LRP2: variants seen among roughly 807,000 people sequenced by gnomAD.
LRP2 encodes LDL receptor related protein 2, also known as low-density lipoprotein receptor-related protein 2.
A neutral mutation model predicts 531.0 loss-of-function variants in LRP2; 172 were observed. That is an observed-to-expected ratio of 0.32 (90% CI 0.29 to 0.37). The LOEUF (loss-of-function observed/expected upper bound fraction) is 0.37, where lower values mean the gene tolerates loss of function less well. Among genes scored for constraint, LRP2 ranks in the 10% least tolerant of loss-of-function variants. The probability of loss-of-function intolerance (pLI) is 1.00; values close to 1 mark genes in which losing one functional copy is unlikely to be tolerated. For missense variants in LRP2, 5,167 were observed against 5,868.3 expected (o/e 0.88, Z 3.90); for synonymous variants, 1,992 against 2,027.6 (o/e 0.98, Z 0.47).
intron 1 of LRP2, among the ~76,000 whole-genome samples, chr2:169,327,643 C>T (rs1396103148): frequency 6.6e-5 from 4 of 60,930 alleles, no homozygotes; most frequent in Non-Finnish European, 3.3e-5. Flanking sequence ...CCAGCCACCC[C>T]GTCCGGGAGG....
intron 3 of LRP2, among the ~76,000 whole-genome samples, chr2:169,316,624 G>C (rs1293179906): frequency 6.6e-6 from 1 of 152,132 alleles, no homozygotes; most frequent in Non-Finnish European, 1.5e-5. Context: ...TTGAGTTCAA[G>C]GCAACTTGCA....
intron 3 of LRP2, among the ~76,000 whole-genome samples, chr2:169,317,663 C>A (rs1263723319): frequency 6.6e-6 from 1 of 152,078 alleles, no homozygotes; most frequent in Non-Finnish European, 1.5e-5. Context: ...CACAATGATA[C>A]AAGAATGATT....
chr2:169,304,258 A>G (rs1243740578), intron 4 of LRP2, among the ~76,000 whole-genome samples: 2 of 152,188 alleles, frequency 1.3e-5, no homozygotes, highest in Non-Finnish European at 2.9e-5. Flanking sequence ...CTTAACTTGT[A>G]CAAGATAGGA....
intron 10 of LRP2, 71 bp from the exon 11 acceptor site, chr2:169,280,590 T>C: frequency 6.9e-7 from 1 of 1,455,420 alleles, no homozygotes; most frequent in Non-Finnish European, 9.6e-7. Context: ...TTACAAATGA[T>C]ATGCTTTCTG....
At chr2:169,137,533 G>GAA (rs1199224920) in intron 75 of LRP2, 40 bp from the exon 76 acceptor site, 2 of 1,159,658 alleles carry the variant, frequency 1.7e-6, no homozygotes, top group South Asian at 1.2e-5. Flanking sequence ...GAGAGAGAGA[G>GAA]AAACAGAGAG....
At position 169,247,535 on chromosome 2, in the gene LRP2, G is replaced by A. The variant is rs1163140032; in HGVS notation, c.2771-20C>T. On this transcript the variant is annotated intron_variant, in intron 19 of 78. Coordinates refer to ENST00000649046, the MANE Select transcript of LRP2 (RefSeq NM_004525.3). ...AATGCTCTGAAAAGAAACATGGGTAGATTAGTATTTTCAGTCACAGCTAAC... is the reference window on the plus strand; with the variant it reads ...AATGCTCTGAAAAGAAACATGGGTAAATTAGTATTTTCAGTCACAGCTAAC... 9.9e-6 allele frequency: 16 copies of A among 1,613,654 alleles called. No individual in the cohort carries two copies. The highest frequency in any genetic ancestry group is 1.4e-5 in the Non-Finnish European group (16 of 1,179,692).
Position 169,240,990 on chromosome 2 carries a change from C to A in LRP2, c.4043G>T (p.Cys1348Phe). 1.2e-6 allele frequency: 2 copies of A among 1,612,344 alleles called. No individual in the cohort carries two copies. Among genetic ancestry groups the A allele is most frequent in the Non-Finnish European group, 1.7e-6 (2 of 1,180,028 alleles). The part of the protein sequence containing the change: ...CPNGTDESPL[C>F]NGNSCSDFNG... The stretch of plus-strand genomic sequence containing the variant: ...TAAACTGTGGTCAGGAAACTTACTG[C>A]AAAGTGGGGACTCATCTGTCCCATT... The change falls in exon 25 of 79, where the codon TGC becomes TTC. Residue 1348 changes from cysteine (C) to phenylalanine (F), a missense_variant and splice_region_variant. Physicochemically the swap from Cys to Phe is radical, Grantham distance 205 (BLOSUM62 -2). This residue lies in a region of LRP2 where 2,811 missense variants were observed against 3,058.0 expected (regional missense o/e 0.92). Transcript: ENST00000649046.
chr2:169,338,273 GAGAA>G (rs961399233), intron 1 of LRP2, among the ~76,000 whole-genome samples: 24 of 131,246 alleles, frequency 1.8e-4, no homozygotes, highest in Non-Finnish European at 2.9e-4. Context: ...AAGAAAGAAA[GAGAA>G]AGAAAGAAAG....
intron 52 of LRP2, among the ~76,000 whole-genome samples, chr2:169,178,380 A>G (rs1687295285): frequency 6.6e-6 from 1 of 152,118 alleles, no homozygotes; most frequent in Admixed American, 6.5e-5. Context: ...CACCCTTTTG[A>G]TATCCTGGGG....
At chr2:169,256,257 G>C in intron 18 of LRP2, 21 bp from the exon 19 acceptor site, 1 of 1,606,938 alleles carries the variant, frequency 6.2e-7, no homozygotes, top group Non-Finnish European at 8.5e-7. Flanking sequence ...AAAATATTTA[G>C]TTATCTCTTA....
intron 54 of LRP2, among the ~76,000 whole-genome samples, chr2:169,175,665 T>C (rs1015242633): frequency 6.6e-6 from 1 of 151,246 alleles, no homozygotes; most frequent in East Asian, 1.9e-4. Flanking sequence ...AATAAACAAA[T>C]AAAGAGTGGG....
At chr2:169,279,752 C>T (rs1683651102) in intron 11 of LRP2, among the ~76,000 whole-genome samples, 157 bp from the exon 12 acceptor site, 1 of 151,918 alleles carries the variant, frequency 6.6e-6, no homozygotes, top group African/African-American at 2.4e-5. Context: ...AAATGAGAAT[C>T]GTATTAATGG....
chr2:169,210,855 G>C (rs1688566989), intron 37 of LRP2, among the ~76,000 whole-genome samples: 1 of 152,106 alleles, frequency 6.6e-6, no homozygotes, highest in Non-Finnish European at 1.5e-5. Flanking sequence ...ATTTTTAAAA[G>C]GTTCATAAAA....
chr2:169,258,735 G>A (rs1363677524), intron 17 of LRP2, among the ~76,000 whole-genome samples: 1 of 151,970 alleles, frequency 6.6e-6, no homozygotes, highest in Admixed American at 6.6e-5. Context: ...CTTTTCTACT[G>A]AATCTATATC....
intron 71 of LRP2, 33 bp downstream of exon 71, chr2:169,142,641 A>G: frequency 6.2e-7 from 1 of 1,612,152 alleles, no homozygotes; most frequent in Non-Finnish European, 8.5e-7. Context: ...GAGTGCTCCC[A>G]GGCCCCCATA....
rs1446765587 is a variant in LRP2 at position 169,162,569 on chromosome 2, T to C, written c.11790A>G (p.Glu3930=). 1 of 1,614,084 alleles carries C rather than the reference T, an allele frequency of 6.2e-7. No homozygotes were observed. Among genetic ancestry groups the C allele is most frequent in the Non-Finnish European group, 8.5e-7 (1 of 1,180,024 alleles). The change falls in exon 63 of 79, where the codon GAA becomes GAG. Residue 3930 remains glutamate, a synonymous_variant. Coordinates refer to ENST00000649046, the MANE Select transcript of LRP2 (RefSeq NM_004525.3). ...GCCCATTGCCACACTTATATTCATA[T>C]TCTGTACAAGGTTTAGGGGTCGGTT... ...CRKPTPKPCT[E]YEYKCGNGHC... is the part of the protein sequence containing the mutation.
intron 62 of LRP2, 97 bp from the exon 63 acceptor site, chr2:169,162,697 A>G (rs115587365): frequency 0.018 from 22,762 of 1,282,904 alleles, 376 homozygotes; most frequent in South Asian, 0.056. Flanking sequence ...CCAAATAAAC[A>G]AGTGCTTCCC....
intron 1 of LRP2, among the ~76,000 whole-genome samples, chr2:169,331,076 G>T (rs1034576643): frequency 8.5e-5 from 13 of 152,056 alleles, no homozygotes; most frequent in African/African-American, 3.1e-4. Context: ...TCCATCACAC[G>T]TCCACAGGTC....
chr2:169,182,238 C>T lies in LRP2; in HGVS notation c.9927G>A (p.Gln3309=). Residue 3309 remains glutamine, a synonymous_variant, in exon 51 of 79, where the codon CAG becomes CAA. Coordinates refer to ENST00000649046, the MANE Select transcript of LRP2 (RefSeq NM_004525.3). ...AGGTGTTGTTGGCATCCACACAGTG[C>T]TGGGCCAGCATGCGGCGGTGTCCAC... The part of the protein sequence containing the change: ...LNGGHRRMLA[Q]HCVDANNTFC... 3 of 1,614,160 alleles carry T rather than the reference C, an allele frequency of 1.9e-6. No individual in the cohort carries two copies. Among genetic ancestry groups the T allele is most frequent in the Non-Finnish European group, 2.5e-6 (3 of 1,180,002 alleles).
Sources: allele counts gnomAD v4.1 joint callset (sites outside exome capture counted in the v4.1 genomes callset), GRCh38; gene constraint gnomAD v4.1.1; regional missense constraint gnomAD v4.1.1; transcripts MANE v1.5; gene names NCBI Gene and HGNC (gene_info 2026-07-23, HGNC 2026-07-21).